Variants in CACNA1B observed in about 807,000 individuals in gnomAD.
CACNA1B encodes calcium voltage-gated channel subunit alpha1 B.
In CACNA1B, 70 loss-of-function variants were observed where a neutral mutation model predicts 247.2. The ratio of observed to expected loss-of-function variants is 0.28; its 90% CI spans 0.23 to 0.35. The LOEUF (loss-of-function observed/expected upper bound fraction) is 0.35. Ranked by LOEUF, CACNA1B falls within the 10% of genes least tolerant of loss-of-function variation. CACNA1B has a pLI of 1.00. For synonymous variants in CACNA1B, 1,231 were observed against 1,294.4 expected, an observed-to-expected ratio of 0.95 and a Z score of 1.05; for missense variants, 2,367 against 3,197.4, an observed-to-expected ratio of 0.74 and a Z score of 6.26.
chr9:137,957,534 C>T lies in CACNA1B; in HGVS notation c.1244-64C>T, dbSNP rs569702749. The stretch of plus-strand genomic sequence containing the variant: ...CCAGGGGGAGGGTGATCCCATGCCC[C>T]GCTGAGGCAGGTGGCCTGAGGGCTG... On this transcript the variant is annotated intron_variant, in intron 9 of 46. Coordinates refer to ENST00000371372, the MANE Select transcript of CACNA1B (RefSeq NM_000718.4). The surrounding 1 kb of genome is among the most constrained non-coding windows in gnomAD (Gnocchi z 4.7). 2.1e-5 allele frequency: 27 copies of T among 1,277,332 alleles called. No individual in the cohort carries two copies. Among genetic ancestry groups the T allele is most frequent in the African/African-American group, 1.8e-4 (12 of 66,672 alleles). The allele number at this position is 1,277,332 out of a possible 1,614,324, so 79.1% of individuals were successfully genotyped here.
In CACNA1B at chr9:137,986,111, G is replaced by A. The variant is rs1385900776; in HGVS notation, c.1770-302G>A. 1.3e-5 allele frequency among the ~76,000 whole-genome samples: 2 copies of A among 152,174 alleles called. No homozygotes were observed. The highest frequency in any genetic ancestry group is 2.9e-5 in the Non-Finnish European group (2 of 68,024). On this transcript the variant is annotated intron_variant, in intron 13 of 46. Transcript: ENST00000371372. The surrounding 1 kb of genome is among the most constrained non-coding windows in gnomAD (Gnocchi z 6.0). ...CAGGGAGGGGCCGAGGATGAAGTTT[G>A]GGATTGGGCCTGGCCACCTGGATGG... is the stretch of plus-strand genomic sequence containing the variant.
Position 137,892,001 on chromosome 9 carries a change from C to T in CACNA1B, c.530+9118C>T, listed in dbSNP as rs990829423. On this transcript the variant is annotated intron_variant, in intron 3 of 46. Coordinates refer to ENST00000371372, the MANE Select transcript of CACNA1B (RefSeq NM_000718.4). ...CAGGAGCCTGGTGAAAAGGGCCTTG[C>T]GCCTTGGTCCTCCTCACTCAGTGTG... The T allele has an allele frequency of 7.7e-5, 35 of 455,956 alleles. 1 individual carries two copies. The highest frequency in any genetic ancestry group is 5.9e-4 in the Admixed American group (25 of 42,492). 28.2% of individuals were successfully genotyped at this position (455,956 alleles called of 1,614,324 possible).
chr9:138,058,908 G>A lies in CACNA1B; in HGVS notation c.4474-171G>A, dbSNP rs2133505781. Among the ~76,000 whole-genome samples, 1 of 152,280 alleles carries A rather than the reference G, an allele frequency of 6.6e-6. No homozygotes were observed. The highest frequency in any genetic ancestry group is 2.4e-5 in the African/African-American group (1 of 41,552). On this transcript the variant is annotated intron_variant, in intron 29 of 46. Transcript: ENST00000371372. The surrounding 1 kb of genome is among the most constrained non-coding windows in gnomAD (Gnocchi z 4.7). ...ATCCTGTTTCCCTTTGTTGTCTGTG[G>A]GCTGGGACAGTGGGGAGGTTCTGGG...
chr9:138,038,612 C>G (rs974253527), intron 20 of CACNA1B, among the ~76,000 whole-genome samples: 3 of 152,226 alleles, frequency 2.0e-5, no homozygotes, highest in African/African-American at 7.2e-5. Flanking sequence ...TCAGTCAGTA[C>G]AACCTTCTGG....
At chr9:137,886,072 TCCTGGCG>T (rs1266583381) in intron 3 of CACNA1B, among the ~76,000 whole-genome samples, 8 of 151,292 alleles carry the variant, frequency 5.3e-5, no homozygotes, top group Admixed American at 1.3e-4. Flanking sequence ...CCAGGAGGGC[TCCTGGCG>T]CCTGGCCGTC....
At chr9:138,116,996 G>A (rs199889118) in intron 42 of CACNA1B, among the ~76,000 whole-genome samples, 1 of 152,212 alleles carries the variant, frequency 6.6e-6, no homozygotes, top group East Asian at 1.9e-4. Flanking sequence ...TGTGGTCAGG[G>A]TGTGGTCCAT....
In CACNA1B at chr9:137,986,723, C is replaced by T. The variant is rs950018131; in HGVS notation, c.1902-59C>T. 7 of 1,450,428 alleles carry T rather than the reference C, an allele frequency of 4.8e-6. No homozygotes were observed. Among genetic ancestry groups the T allele is most frequent in the African/African-American group, 2.8e-5 (2 of 71,628 alleles). 89.8% of individuals were successfully genotyped at this position (1,450,428 alleles called of 1,614,324 possible). A position where few individuals can be genotyped will look rare whatever the true frequency, so the allele number is the denominator to read the frequency against. ...CAGGTTGAGGCCACGCTGGAGCCTG[C>T]AGGCGCTGCCTCGCTGCTGACGGGA... On this transcript the variant is annotated intron_variant, in intron 14 of 46. Coordinates refer to ENST00000371372, the MANE Select transcript of CACNA1B (RefSeq NM_000718.4). This position sits in a 1 kb window ranked among gnomAD's most constrained non-coding sequence, Gnocchi z 6.0.
chr9:137,936,953 G>A (rs1384924141), intron 6 of CACNA1B, among the ~76,000 whole-genome samples: 1 of 152,162 alleles, frequency 6.6e-6, no homozygotes, highest in Non-Finnish European at 1.5e-5. Context: ...TGATTGCCTT[G>A]GCAATGTGGG....
At chr9:137,987,628 C>T (rs1958382075) in intron 15 of CACNA1B, among the ~76,000 whole-genome samples, 1 of 152,200 alleles carries the variant, frequency 6.6e-6, no homozygotes, top group Non-Finnish European at 1.5e-5. Flanking sequence ...GCTCCTGGGG[C>T]TGCTGATCCT....
rs146148827 is a variant in CACNA1B at position 138,048,033 on chromosome 9, C to T, written c.3603+575C>T. 5.1e-4 allele frequency among the ~76,000 whole-genome samples: 77 copies of T among 152,258 alleles called. 1 individual carries two copies. The East Asian group carries it at 8.3e-3, about 16-fold the overall frequency. ...GTGGTTGAGTGTGCACACACCTGCA[C>T]GTCCATGACTTCCGTGCAGCTTAGG... On this transcript the variant is annotated intron_variant, in intron 23 of 46. Transcript: ENST00000371372.
At chr9:138,046,743 C>G (rs1959188924) in intron 21 of CACNA1B, among the ~76,000 whole-genome samples, 161 bp from the exon 22 acceptor site, 1 of 152,232 alleles carries the variant, frequency 6.6e-6, no homozygotes, top group Admixed American at 6.5e-5. Flanking sequence ...ACCTGGCTGC[C>G]ACCACCAACC....
intron 6 of CACNA1B, among the ~76,000 whole-genome samples, chr9:137,929,687 G>GT (rs2133302651): frequency 6.6e-6 from 1 of 152,244 alleles, no homozygotes; most frequent in South Asian, 2.1e-4. Context: ...GGGTCTTACT[G>GT]TGTCACTCAG....
At chr9:138,003,883 A>AAGCGCT (rs1478457727) in intron 15 of CACNA1B, among the ~76,000 whole-genome samples, 1 of 151,040 alleles carries the variant, frequency 6.6e-6, no homozygotes, top group Non-Finnish European at 1.5e-5. Flanking sequence ...TGGCCTCCCA[A>AAGCGCT]AGCGCTAGGA....
At chr9:137,900,213 G>A (rs1286486643) in intron 3 of CACNA1B, among the ~76,000 whole-genome samples, 1 of 152,166 alleles carries the variant, frequency 6.6e-6, no homozygotes, top group Non-Finnish European at 1.5e-5. Flanking sequence ...TGTGTGAGGT[G>A]CCCCCCTGGT....
Position 138,057,680 on chromosome 9 carries a change from T to G in CACNA1B, c.3969-52T>G, listed in dbSNP as rs1340658684. On this transcript the variant is annotated intron_variant, in intron 26 of 46. Coordinates refer to ENST00000371372, the MANE Select transcript of CACNA1B (RefSeq NM_000718.4). The surrounding 1 kb of genome is among the most constrained non-coding windows in gnomAD (Gnocchi z 4.0). The stretch of plus-strand genomic sequence containing the variant: ...GTTTCAACACTCTTGATAGGTGGGT[T>G]TATTTGGATCTTTTGTCTTTGCCCT... 8 of 1,558,722 alleles carry G rather than the reference T, an allele frequency of 5.1e-6. No individual in the cohort carries two copies. Among genetic ancestry groups the G allele is most frequent in the Non-Finnish European group, 6.1e-6 (7 of 1,140,818 alleles).
rs1311904279 is a variant in CACNA1B at position 138,051,991 on chromosome 9, A to G, written c.3711-101A>G. 1 of 674,918 alleles carries G rather than the reference A, an allele frequency of 1.5e-6. No homozygotes were observed. Among genetic ancestry groups the G allele is most frequent in the Non-Finnish European group, 2.7e-6 (1 of 374,170 alleles). The allele number at this position is 674,918 out of a possible 1,614,324, so 41.8% of individuals were successfully genotyped here. A position where few individuals can be genotyped will look rare whatever the true frequency, so the allele number is the denominator to read the frequency against. The stretch of plus-strand genomic sequence containing the variant: ...GGTCCTCCACCCTGGAGTCTGAGAC[A>G]AAATGCACAGGGGAGCAGGACTCAG... On this transcript the variant is annotated intron_variant, in intron 24 of 46. Coordinates refer to ENST00000371372, the MANE Select transcript of CACNA1B (RefSeq NM_000718.4). This position sits in a 1 kb window ranked among gnomAD's most constrained non-coding sequence, Gnocchi z 4.3.
chr9:138,015,166 G>A (rs974741424), intron 18 of CACNA1B, among the ~76,000 whole-genome samples: 2 of 152,142 alleles, frequency 1.3e-5, no homozygotes, highest in African/African-American at 2.4e-5. Flanking sequence ...ACGTGGCAAG[G>A]GGCAGCCGGC....
In CACNA1B at chr9:138,073,334, T is replaced by C. The variant is rs532956762; in HGVS notation, c.4675-154T>C. ...GGAAGATTTTCTGGTGGCCGATTGC[T>C]GCTTAGACTGTGAAGCAGAGACCTT... On this transcript the variant is annotated intron_variant, in intron 32 of 46. Transcript: ENST00000371372. The surrounding 1 kb of genome is among the most constrained non-coding windows in gnomAD (Gnocchi z 6.4). 4.6e-5 allele frequency among the ~76,000 whole-genome samples: 7 copies of C among 152,352 alleles called. No homozygotes were observed. In the South Asian group the frequency reaches 1.2e-3, roughly 27 times the overall value.
intron 15 of CACNA1B, among the ~76,000 whole-genome samples, chr9:138,004,307 G>A (rs1047605189): frequency 6.6e-6 from 1 of 152,118 alleles, no homozygotes; most frequent in Non-Finnish European, 1.5e-5. Context: ...AGCACTGCAG[G>A]AGGCTGAGGG....
Sources: allele counts gnomAD v4.1 joint callset (sites outside exome capture counted in the v4.1 genomes callset), GRCh38; gene constraint gnomAD v4.1.1; non-coding constraint Gnocchi (gnomAD v3.1); transcripts MANE v1.5; gene names NCBI Gene and HGNC (gene_info 2026-07-23, HGNC 2026-07-21).